KCNIP4: variants seen among roughly 807,000 people sequenced by gnomAD.
KCNIP4 encodes the protein Kv channel-interacting protein 4.
Under a neutral mutation model 34.0 loss-of-function variants are expected in KCNIP4, and 12 were observed. The ratio of observed to expected loss-of-function variants is 0.35; its 90% CI spans 0.23 to 0.57. The LOEUF is 0.57. Among genes scored for constraint, KCNIP4 ranks in the 20% least tolerant of loss-of-function variants. The pLI, the probability that KCNIP4 is intolerant of heterozygous loss-of-function variation, is 0.83. For missense variants in KCNIP4, 238 were observed against 311.7 expected, an observed-to-expected ratio of 0.76 and a Z score of 1.78; for synonymous variants, 124 against 102.2, an observed-to-expected ratio of 1.21 and a Z score of -1.29.
chr4:20,793,770 A>C (rs1713083908), intron 3 of KCNIP4, among the ~76,000 whole-genome samples: 1 of 152,004 alleles, frequency 6.6e-6, no homozygotes, highest in South Asian at 2.1e-4. Flanking sequence ...CTGCAACTAG[A>C]TGATCCCATC....
chr4:21,153,625 T>C (rs1396534497), intron 1 of KCNIP4, among the ~76,000 whole-genome samples: 2 of 151,774 alleles, frequency 1.3e-5, no homozygotes, highest in Non-Finnish European at 2.9e-5. Flanking sequence ...TCCCATTGTC[T>C]GGACAACAAC....
intron 1 of KCNIP4, among the ~76,000 whole-genome samples, chr4:21,361,952 C>T (rs905646491): frequency 1.3e-5 from 2 of 151,944 alleles, no homozygotes; most frequent in Non-Finnish European, 2.9e-5. Flanking sequence ...CTCTATAACC[C>T]GTCACACCGT....
Position 20,948,085 on chromosome 4 carries a change from A to G in KCNIP4, c.62-65376T>C, listed in dbSNP as rs75893105. Among the ~76,000 whole-genome samples the G allele has an allele frequency of 4.1e-3, 630 of 152,332 alleles. 3 individuals are homozygous for G. The highest frequency in any genetic ancestry group is 0.014 in the African/African-American group (598 of 41,574). ...TGAAAACACATGTTAAATGAAGAAG[A>G]AGAAAGATAACTCCTGCTTCTGAGG... On this transcript the variant is annotated intron_variant, in intron 1 of 8. Coordinates refer to ENST00000382152, the MANE Select transcript of KCNIP4 (RefSeq NM_025221.6).
rs370468434 is a variant in KCNIP4 at position 21,625,643 on chromosome 4, G to T, written c.61+322928C>A. 4.7e-4 allele frequency among the ~76,000 whole-genome samples: 72 copies of T among 152,284 alleles called. 2 individuals are homozygous for T. The East Asian group carries it at 0.011, about 24-fold the overall frequency. ...TCAGAGTAGCAGGGCCTGAACAAAA[G>T]CCAGGTCTGCCCTTCTTTTAAGTCA... is the stretch of plus-strand genomic sequence containing the variant. On this transcript the variant is annotated intron_variant, in intron 1 of 8. Coordinates refer to ENST00000382152, the MANE Select transcript of KCNIP4 (RefSeq NM_025221.6).
chr4:21,183,111 T>C (rs1423716578), intron 1 of KCNIP4, among the ~76,000 whole-genome samples: 1 of 152,152 alleles, frequency 6.6e-6, no homozygotes, highest in Non-Finnish European at 1.5e-5. Flanking sequence ...GCAGCACACG[T>C]CTTTGTGTGC....
intron 1 of KCNIP4, among the ~76,000 whole-genome samples, chr4:21,211,636 T>A (rs1163324709): frequency 6.6e-6 from 1 of 152,110 alleles, no homozygotes; most frequent in East Asian, 1.9e-4. Context: ...ACTGCTGCCC[T>A]ATGACATCTA....
At chr4:21,541,679 G>A (rs1737706301) in intron 1 of KCNIP4, among the ~76,000 whole-genome samples, 1 of 152,008 alleles carries the variant, frequency 6.6e-6, no homozygotes, top group Admixed American at 6.6e-5. Context: ...GTCTCACTCT[G>A]TCACCCACAC....
Position 21,038,947 on chromosome 4 carries a change from G to C in KCNIP4, c.62-156238C>G, listed in dbSNP as rs377013740. On this transcript the variant is annotated intron_variant, in intron 1 of 8. Transcript: ENST00000382152. ...CACAGTGAAAAAAGCATCCTGTGAAGGCTGGCATCCACATCATTCTCATGT... is the reference window on the plus strand; with the variant it reads ...CACAGTGAAAAAAGCATCCTGTGAACGCTGGCATCCACATCATTCTCATGT... 1.9e-3 allele frequency among the ~76,000 whole-genome samples: 292 copies of C among 152,250 alleles called. 6 individuals are homozygous for C. In the South Asian group the frequency reaches 0.054, roughly 28 times the overall value.
chr4:21,827,032 T>C (rs540413929), intron 1 of KCNIP4, among the ~76,000 whole-genome samples: 1 of 152,220 alleles, frequency 6.6e-6, no homozygotes, highest in East Asian at 1.9e-4. Context: ...GTAGAGTTAC[T>C]GCTTCTTCAC....
intron 1 of KCNIP4, among the ~76,000 whole-genome samples, chr4:21,630,017 ATTT>A (rs34714303): frequency 0.052 from 6,202 of 120,166 alleles, 276 homozygotes; most frequent in African/African-American, 0.14. Context: ...CAGCTGGCTA[ATTT>A]TTTTTTTTTT....
chr4:21,566,831 A>G (rs1444908895), intron 1 of KCNIP4, among the ~76,000 whole-genome samples: 1 of 152,070 alleles, frequency 6.6e-6, no homozygotes, highest in Admixed American at 6.6e-5. Context: ...TTGCTGGGGA[A>G]CAGTCATATG....
intron 1 of KCNIP4, among the ~76,000 whole-genome samples, chr4:21,041,139 G>T (rs1741921572): frequency 6.6e-6 from 1 of 151,816 alleles, no homozygotes; most frequent in Admixed American, 6.6e-5. Context: ...AAGTAGTGAT[G>T]ACACATATAA....
intron 1 of KCNIP4, among the ~76,000 whole-genome samples, chr4:20,971,660 T>C (rs889881320): frequency 2.6e-5 from 4 of 152,208 alleles, no homozygotes. Flanking sequence ...AAGTATAATA[T>C]TTTTGCTGGT....
intron 1 of KCNIP4, among the ~76,000 whole-genome samples, chr4:21,563,998 A>G (rs1475795104): frequency 6.6e-6 from 1 of 152,132 alleles, no homozygotes; most frequent in Non-Finnish European, 1.5e-5. Flanking sequence ...CTAAGCAATT[A>G]ATATATCTAA....
chr4:21,122,581 T>G (rs1483076587), intron 1 of KCNIP4, among the ~76,000 whole-genome samples: 1 of 152,078 alleles, frequency 6.6e-6, no homozygotes, highest in Non-Finnish European at 1.5e-5. Context: ...ACTCCACATT[T>G]CCTAAGTTCT....
intron 1 of KCNIP4, among the ~76,000 whole-genome samples, chr4:21,627,494 A>G (rs1006574737): frequency 6.6e-6 from 1 of 152,102 alleles, no homozygotes; most frequent in African/African-American, 2.4e-5. Context: ...TGCTTAACAC[A>G]TTAGCTGTTG....
chr4:21,331,776 A>G (rs1452429575), intron 1 of KCNIP4, among the ~76,000 whole-genome samples: 1 of 152,020 alleles, frequency 6.6e-6, no homozygotes, highest in Non-Finnish European at 1.5e-5. Context: ...TTTTCCATGA[A>G]ATGTCTTCTA....
chr4:21,170,609 G>A (rs1181776031), intron 1 of KCNIP4, among the ~76,000 whole-genome samples: 1 of 152,104 alleles, frequency 6.6e-6, no homozygotes, highest in African/African-American at 2.4e-5. Flanking sequence ...AATAAATGTA[G>A]CATAGAATTA....
At chr4:21,044,226 T>C (rs1742224933) in intron 1 of KCNIP4, among the ~76,000 whole-genome samples, 1 of 152,148 alleles carries the variant, frequency 6.6e-6, no homozygotes, top group South Asian at 2.1e-4. Flanking sequence ...ATTTGAATTC[T>C]CCAGTAGATT....
Sources: gnomAD v4.1 joint callset for allele counts (sites outside exome capture counted in the v4.1 genomes callset) on GRCh38, gnomAD v4.1.1 for gene constraint, MANE v1.5 for transcripts, NCBI Gene and HGNC (gene_info 2026-07-23, HGNC 2026-07-21) for gene names.